Variants in MARCHF1 observed in about 807,000 individuals in gnomAD.
The protein encoded by MARCHF1 is E3 ubiquitin-protein ligase MARCHF1.
Under a neutral mutation model 54.2 loss-of-function variants are expected in MARCHF1, and 40 were observed. The observed-to-expected ratio is 0.74, with a 90% CI of 0.57 to 0.96. The LOEUF (loss-of-function observed/expected upper bound fraction) is 0.96, where lower values mean the gene tolerates loss of function less well. Among genes scored for constraint, MARCHF1 ranks in the 40% least tolerant of loss-of-function variants. The pLI, the probability that MARCHF1 is intolerant of heterozygous loss-of-function variation, is 0.00. For synonymous variants in MARCHF1, 236 were observed against 236.3 expected (o/e 1.00, Z 0.01); for missense variants, 586 against 656.5 (o/e 0.89, Z 1.17).
chr4:163,535,413 G>T lies in MARCHF1; in HGVS notation c.1340-6367C>A, dbSNP rs1477016162. On this transcript the variant is annotated intron_variant, in intron 9 of 9. Coordinates refer to ENST00000514618, the MANE Select transcript of MARCHF1 (RefSeq NM_001394959.1). ...CCTTTTGCTATTTCATGCCAAAGGT[G>T]AGCTTATTACCCAATGATCTTGACC... is the stretch of plus-strand genomic sequence containing the variant. Among the ~76,000 whole-genome samples, 3 of 152,118 alleles carry T rather than the reference G, an allele frequency of 2.0e-5. No homozygotes were observed. In the South Asian group the frequency reaches 6.2e-4, roughly 32 times the overall value.
intron 5 of MARCHF1, among the ~76,000 whole-genome samples, chr4:163,621,092 T>G (rs1741680737): frequency 6.6e-6 from 1 of 152,192 alleles, no homozygotes; most frequent in African/African-American, 2.4e-5. Context: ...GTGAGGATAA[T>G]AACATGAAAT....
intron 4 of MARCHF1, among the ~76,000 whole-genome samples, chr4:163,785,126 C>T (rs766362822): frequency 9.9e-5 from 15 of 152,024 alleles, no homozygotes; most frequent in Non-Finnish European, 1.5e-4. Context: ...AAAATAGTTA[C>T]CTTTAATTTC....
Position 164,140,355 on chromosome 4 carries a change from A to T in MARCHF1, c.-322-28693T>A, listed in dbSNP as rs761877118. Among the ~76,000 whole-genome samples, 3 of 152,086 alleles carry T rather than the reference A, an allele frequency of 2.0e-5. No individual in the cohort carries two copies. The East Asian group carries it at 5.8e-4, about 29-fold the overall frequency. On this transcript the variant is annotated intron_variant, in intron 1 of 9. Transcript: ENST00000514618. ...TCAAAGCCTTGAACTTGAGAAATTT[A>T]CATTTGTCTTACTTGAGTTTCTTTC...
At chr4:164,027,362 TAAAA>T (rs59453843) in intron 2 of MARCHF1, among the ~76,000 whole-genome samples, 135 of 10,768 alleles carry the variant, frequency 0.013, 1 homozygote, top group South Asian at 0.037. Context: ...ATGGTACAGG[TAAAA>T]AAAAAAAAAA....
chr4:164,236,743 A>G (rs12503653), intron 1 of MARCHF1, among the ~76,000 whole-genome samples: 5,046 of 152,232 alleles, frequency 0.033, 188 homozygotes, highest in East Asian at 0.16. Context: ...TCACAAATAA[A>G]GAACTGAGAA....
intron 1 of MARCHF1, among the ~76,000 whole-genome samples, chr4:164,284,322 GAGAGAGAGAGAC>G (rs199779723): frequency 0.049 from 6,927 of 140,282 alleles, 285 homozygotes; most frequent in Middle Eastern, 0.12. Flanking sequence ...AAGAAAGTGA[GAGAGAGAGAGAC>G]AGAGAGAGAG....
chr4:163,787,066 T>C (rs1426739503), intron 4 of MARCHF1, among the ~76,000 whole-genome samples: 1 of 151,826 alleles, frequency 6.6e-6, no homozygotes, highest in East Asian at 1.9e-4. Flanking sequence ...TTATACTATA[T>C]ACAAAAATTA....
chr4:164,345,391 T>C (rs1051162647), intron 1 of MARCHF1, among the ~76,000 whole-genome samples: 14 of 151,786 alleles, frequency 9.2e-5, no homozygotes, highest in African/African-American at 3.4e-4. Flanking sequence ...ACATGGTGAA[T>C]CCCTGTCCTA....
chr4:163,881,780 C>T (rs1045833073), intron 3 of MARCHF1, among the ~76,000 whole-genome samples: 4 of 152,074 alleles, frequency 2.6e-5, no homozygotes, highest in Admixed American at 2.0e-4. Context: ...GGCCCATAAC[C>T]TTAATAATAA....
intron 4 of MARCHF1, among the ~76,000 whole-genome samples, chr4:163,836,480 C>G (rs933094862): frequency 9.0e-6 from 1 of 110,942 alleles, no homozygotes; most frequent in Non-Finnish European, 1.9e-5. Context: ...CTCCTGACCT[C>G]GTGATCCGCC....
intron 1 of MARCHF1, among the ~76,000 whole-genome samples, chr4:164,367,340 T>A (rs928575417): frequency 6.6e-6 from 1 of 152,132 alleles, no homozygotes; most frequent in Non-Finnish European, 1.5e-5. Flanking sequence ...TTATCCATAC[T>A]AAGGAAAATT....
chr4:163,937,259 T>C (rs1751815988), intron 3 of MARCHF1, among the ~76,000 whole-genome samples: 1 of 152,100 alleles, frequency 6.6e-6, no homozygotes, highest in Admixed American at 6.6e-5. Context: ...TACATATACA[T>C]ACAAACATAT....
chr4:164,369,270 C>T (rs1236619672), intron 1 of MARCHF1, among the ~76,000 whole-genome samples: 1 of 152,122 alleles, frequency 6.6e-6, no homozygotes, highest in East Asian at 1.9e-4. Context: ...CTACATTAAT[C>T]CCTTTACTAC....
At chr4:163,888,818 C>G (rs1750594350) in intron 3 of MARCHF1, among the ~76,000 whole-genome samples, 2 of 152,114 alleles carry the variant, frequency 1.3e-5, no homozygotes, top group African/African-American at 2.4e-5. Context: ...CATAGCATCT[C>G]TCTTATGTCC....
intron 3 of MARCHF1, among the ~76,000 whole-genome samples, chr4:163,959,869 G>A (rs1752310416): frequency 6.6e-6 from 1 of 151,944 alleles, no homozygotes; most frequent in East Asian, 1.9e-4. Flanking sequence ...TATTAACAGA[G>A]TAAACAGACA....
chr4:163,918,923 C>T (rs978435125), intron 3 of MARCHF1, among the ~76,000 whole-genome samples: 2 of 152,082 alleles, frequency 1.3e-5, no homozygotes, highest in Non-Finnish European at 2.9e-5. Context: ...TTCATAGATA[C>T]TCTTTTCCTC....
intron 8 of MARCHF1, among the ~76,000 whole-genome samples, chr4:163,554,625 A>G (rs1331972359): frequency 6.6e-6 from 1 of 152,200 alleles, no homozygotes; most frequent in Non-Finnish European, 1.5e-5. Flanking sequence ...CTAATGCCTC[A>G]GTTTTCTCAT....
chr4:164,089,138 C>A (rs1755249709), intron 2 of MARCHF1, among the ~76,000 whole-genome samples: 1 of 151,974 alleles, frequency 6.6e-6, no homozygotes, highest in African/African-American at 2.4e-5. Flanking sequence ...TTGTAAAAGG[C>A]AAATAGCATT....
chr4:163,849,374 A>G (rs1199899671), intron 4 of MARCHF1, among the ~76,000 whole-genome samples: 2 of 152,144 alleles, frequency 1.3e-5, no homozygotes, highest in East Asian at 3.8e-4. Flanking sequence ...CATTATTATC[A>G]TCATCTTTAG....
Sources: gnomAD v4.1 joint callset for allele counts (sites outside exome capture counted in the v4.1 genomes callset) on GRCh38, gnomAD v4.1.1 for gene constraint, MANE v1.5 for transcripts, NCBI Gene and HGNC (gene_info 2026-07-23, HGNC 2026-07-21) for gene names.